Variants in LOC128092252 observed in about 807,000 individuals in gnomAD.
the LOC128092252 span, among the ~76,000 whole-genome samples, chr15:50,678,163 C>T: frequency 6.6e-6 from 1 of 150,792 alleles, no homozygotes; most frequent in Non-Finnish European, 1.5e-5. Context: ...ATGGCGTGAA[C>T]CCAAGAGGCA....
the LOC128092252 span, among the ~76,000 whole-genome samples, chr15:50,679,034 C>T: frequency 5.3e-5 from 8 of 152,092 alleles, no homozygotes; most frequent in South Asian, 2.1e-4. Context: ...CCACCACGCC[C>T]GGCTAATTTT....
the LOC128092252 span, among the ~76,000 whole-genome samples, chr15:50,650,192 CAAAAAAAAAAAAAAAAA>C: frequency 2.9e-4 from 18 of 62,302 alleles, no homozygotes; most frequent in African/African-American, 6.5e-4. Context: ...GACTTTGTCT[CAAAAAAAAAAAAAAAAA>C]AAAAAAAAAA....
the LOC128092252 span, among the ~76,000 whole-genome samples, chr15:50,662,121 A>G: frequency 0.54 from 81,969 of 151,878 alleles, 22,352 homozygotes; most frequent in Admixed American, 0.62. Flanking sequence ...TTGGGAGGCC[A>G]AGGCAGGTGG....
chr15:50,655,987 C>G, the LOC128092252 span, among the ~76,000 whole-genome samples: 11 of 143,266 alleles, frequency 7.7e-5, no homozygotes, highest in African/African-American at 2.8e-4. Flanking sequence ...GGGCAAGACT[C>G]CATCTCAAAA....
the LOC128092252 span, among the ~76,000 whole-genome samples, chr15:50,655,166 T>C: frequency 4.2e-5 from 6 of 141,898 alleles, no homozygotes; most frequent in African/African-American, 1.2e-4. Context: ...CCAAATGCAG[T>C]GGCTCACGCC....
At chr15:50,648,926 TAG>T in the LOC128092252 span, 71 of 1,502,446 alleles carry the variant, frequency 4.7e-5, no homozygotes, top group Non-Finnish European at 3.2e-5. Flanking sequence ...TTCAAAAAAT[TAG>T]AGTTAATGAA....
chr15:50,670,800 A>C, the LOC128092252 span, among the ~76,000 whole-genome samples: 1 of 137,808 alleles, frequency 7.3e-6, no homozygotes, highest in South Asian at 2.4e-4. Flanking sequence ...TACTGTAAAA[A>C]AAAGAAAAAG....
At chr15:50,680,479 G>A in the LOC128092252 span, among the ~76,000 whole-genome samples, 13 of 151,856 alleles carry the variant, frequency 8.6e-5, no homozygotes, top group Admixed American at 7.9e-4. Flanking sequence ...TGCAGCAGGA[G>A]AATGGCTTGA....
the LOC128092252 span, among the ~76,000 whole-genome samples, chr15:50,685,728 G>T: frequency 1.3e-5 from 2 of 152,000 alleles, no homozygotes; most frequent in Admixed American, 1.3e-4. Flanking sequence ...TTCAAAATTG[G>T]TTCCTGATAT....
At chr15:50,668,838 A>G in the LOC128092252 span, among the ~76,000 whole-genome samples, 1 of 152,152 alleles carries the variant, frequency 6.6e-6, no homozygotes, top group South Asian at 2.1e-4. Flanking sequence ...GTGCAGTAAG[A>G]ATCGGTTTTC....
At chr15:50,672,729 G>A in the LOC128092252 span, among the ~76,000 whole-genome samples, 4 of 151,626 alleles carry the variant, frequency 2.6e-5, no homozygotes, top group African/African-American at 9.7e-5. Flanking sequence ...GATCAATGTG[G>A]TGAAACCCCA....
At chr15:50,653,935 C>A in the LOC128092252 span, among the ~76,000 whole-genome samples, 2 of 152,018 alleles carry the variant, frequency 1.3e-5, no homozygotes, top group Non-Finnish European at 2.9e-5. Context: ...CATCACTGAA[C>A]CCCCTGAACA....
the LOC128092252 span, among the ~76,000 whole-genome samples, chr15:50,685,837 A>G: frequency 6.6e-6 from 1 of 152,190 alleles, no homozygotes; most frequent in African/African-American, 2.4e-5. Context: ...TCTCTGGGGC[A>G]AGGGATGCGG....
At chr15:50,661,764 C>A in the LOC128092252 span, among the ~76,000 whole-genome samples, 2 of 152,274 alleles carry the variant, frequency 1.3e-5, no homozygotes, top group African/African-American at 4.8e-5. Context: ...CACAGTGTGA[C>A]AGGAGACGGA....
At chr15:50,673,246 C>G in the LOC128092252 span, among the ~76,000 whole-genome samples, 2 of 152,178 alleles carry the variant, frequency 1.3e-5, no homozygotes, top group Middle Eastern at 3.4e-3. Flanking sequence ...GCCTTATACA[C>G]CTATACTATT....
the LOC128092252 span, chr15:50,662,820 C>G: frequency 1.5e-6 from 1 of 685,184 alleles, no homozygotes; most frequent in Non-Finnish European, 2.5e-6. Context: ...CCCAATCCCT[C>G]CCAAATTAAA....
chr15:50,663,136 T>C, the LOC128092252 span: 1 of 1,010,548 alleles, frequency 9.9e-7, no homozygotes, highest in South Asian at 1.4e-5. Context: ...AACAGTTCTT[T>C]TTTTTTTTTG....
At chr15:50,670,881 C>G in the LOC128092252 span, among the ~76,000 whole-genome samples, 1 of 148,368 alleles carries the variant, frequency 6.7e-6, no homozygotes, top group Non-Finnish European at 1.5e-5. Context: ...CGTGTCAAAA[C>G]ATATTAAGTA....
At chr15:50,668,529 A>G in the LOC128092252 span, among the ~76,000 whole-genome samples, 1 of 152,132 alleles carries the variant, frequency 6.6e-6, no homozygotes. Context: ...TTTTTGAGAC[A>G]AAGAGTTTTG....
Sources: allele counts gnomAD v4.1 joint callset (sites outside exome capture counted in the v4.1 genomes callset), GRCh38; gene constraint gnomAD v4.1.1; transcripts MANE v1.5.